Variants in ANK2 observed in about 807,000 individuals in gnomAD.
The protein encoded by ANK2 is ankyrin 2.
Under a neutral mutation model 360.5 loss-of-function variants are expected in ANK2, and 83 were observed. The ratio of observed to expected loss-of-function variants is 0.23; its 90% CI spans 0.19 to 0.28. ANK2 has a LOEUF of 0.28. Among genes scored for constraint, ANK2 ranks in the 10% least tolerant of loss-of-function variants. The probability of loss-of-function intolerance (pLI) is 1.00; values close to 1 mark genes in which losing one functional copy is unlikely to be tolerated. For synonymous variants in ANK2, 1,740 were observed against 1,759.5 expected (o/e 0.99, Z 0.28); for missense variants, 4,201 against 4,795.7 (o/e 0.88, Z 3.66).
rs2153658293 is a variant in ANK2 at position 113,264,984 on chromosome 4, G to A, written c.1474G>A (p.Ala492Thr). The A allele has an allele frequency of 1.3e-6, 2 of 1,561,416 alleles. No homozygotes were observed. The highest frequency in any genetic ancestry group is 1.7e-6 in the Non-Finnish European group (2 of 1,151,648). The change falls in exon 14 of 46, where the codon GCC (alanine) becomes ACC (threonine). Residue 492 changes from alanine (A) to threonine (T), a missense_variant. Coordinates refer to ENST00000357077, the MANE Select transcript of ANK2 (RefSeq NM_001148.6). Reference protein sequence around the residue: ...CLLRNGALVDARAREEQTPLH... With the variant: ...CLLRNGALVDTRAREEQTPLH... Reference sequence around the variant, plus strand: ...CCTGAGAAATGGTGCCCTTGTTGATGCCAGAGCCAGGGTAGGTACTGGTGC... The same window carrying A: ...CCTGAGAAATGGTGCCCTTGTTGATACCAGAGCCAGGGTAGGTACTGGTGC...
intron 1 of ANK2, among the ~76,000 whole-genome samples, chr4:112,846,813 AGGTC>A (rs2063427464): frequency 6.6e-6 from 1 of 152,156 alleles, no homozygotes; most frequent in African/African-American, 2.4e-5. Flanking sequence ...TTTGCCCATG[AGGTC>A]ATCAAAGAAC....
At chr4:113,288,696 A>G (rs568703933) in intron 20 of ANK2, among the ~76,000 whole-genome samples, 2 of 152,308 alleles carry the variant, frequency 1.3e-5, no homozygotes, top group East Asian at 3.9e-4. Flanking sequence ...AACTACTTCT[A>G]TTATAAAGTT....
At chr4:113,186,826 C>T (rs1348601537) in intron 2 of ANK2, among the ~76,000 whole-genome samples, 2 of 152,150 alleles carry the variant, frequency 1.3e-5, no homozygotes, top group Non-Finnish European at 2.9e-5. Flanking sequence ...CAGTGGTTGT[C>T]AGATTGATGT....
rs1289129488 is a variant in ANK2, at chr4:113,292,476, C to T, written c.2338C>T (p.Leu780=). ...QQGHTHIINV[L]LQHGAKPNAT... is the part of the protein sequence containing the mutation. Reference sequence around the variant, plus strand: ...GGGTCACACGCACATCATCAACGTCCTGCTCCAGCATGGGGCCAAGCCCAA... The same window carrying T: ...GGGTCACACGCACATCATCAACGTCTTGCTCCAGCATGGGGCCAAGCCCAA... Residue 780 remains leucine (L), a synonymous_variant, in exon 21 of 46, where the codon CTG becomes TTG. Transcript: ENST00000357077. 1 of 1,611,888 alleles carries T rather than the reference C, an allele frequency of 6.2e-7. No individual in the cohort carries two copies. The highest frequency in any genetic ancestry group is 1.7e-5 in the Admixed American group (1 of 59,844).
At chr4:113,019,280 T>C (rs1052426800) in intron 2 of ANK2, among the ~76,000 whole-genome samples, 7 of 152,212 alleles carry the variant, frequency 4.6e-5, no homozygotes, top group Non-Finnish European at 1.5e-5. Context: ...ACAGAGCGTG[T>C]TTTCTGACCA....
At chr4:113,285,497 CACTT>C (rs2064098245) in intron 18 of ANK2, among the ~76,000 whole-genome samples, 1 of 152,176 alleles carries the variant, frequency 6.6e-6, no homozygotes, top group Non-Finnish European at 1.5e-5. Context: ...CTCACAGAAA[CACTT>C]ACATTCACAG....
intron 14 of ANK2, among the ~76,000 whole-genome samples, chr4:113,270,220 G>C (rs190915206): frequency 1.0e-3 from 157 of 152,148 alleles, no homozygotes; most frequent in African/African-American, 3.5e-3. Flanking sequence ...TCCCATTTCT[G>C]TCTTAAAGTA....
chr4:112,977,284 C>A (rs2154269344), intron 2 of ANK2, among the ~76,000 whole-genome samples: 1 of 152,120 alleles, frequency 6.6e-6, no homozygotes, highest in South Asian at 2.1e-4. Context: ...TACCTTTCTT[C>A]TTTAAATAAT....
rs748648366 is a variant in ANK2 at position 113,367,821 on chromosome 4, A to T, written c.11288A>T (p.Glu3763Val). ...GGGAAAATGCAAGACCTGCCTGAAG[A>T]GTCATCTCTGGAATATCAGCAGGAA... Reference protein sequence around the residue: ...FSGKMQDLPEESSLEYQQEYF... With the variant: ...FSGKMQDLPEVSSLEYQQEYF... Residue 3763 changes from glutamate to valine, a missense_variant, in exon 42 of 46, where the codon GAG becomes GTG. Around this residue, in one of 4 missense-constraint regions of ANK2, gnomAD observed 2,642 missense variants for 2,714.5 expected, o/e 0.97. Coordinates refer to ENST00000357077, the MANE Select transcript of ANK2 (RefSeq NM_001148.6). The T allele has an allele frequency of 6.2e-7, 1 of 1,614,158 alleles. No individual in the cohort carries two copies. Among genetic ancestry groups the T allele is most frequent in the South Asian group, 1.1e-5 (1 of 91,088 alleles).
intron 1 of ANK2, among the ~76,000 whole-genome samples, chr4:112,856,533 G>T (rs550414231): frequency 1.3e-5 from 2 of 152,286 alleles, no homozygotes; most frequent in African/African-American, 4.8e-5. Flanking sequence ...TTCGAGACCA[G>T]CCTGGCCAAT....
At chr4:112,791,154 T>G in the ANK2 span, among the ~76,000 whole-genome samples, 1 of 152,194 alleles carries the variant, frequency 6.6e-6, no homozygotes, top group Non-Finnish European at 1.5e-5. Flanking sequence ...AAATAAGAAC[T>G]TTCTAACATA....
chr4:113,341,590 G>T, intron 32 of ANK2, 98 bp from the exon 33 acceptor site: 8 of 1,257,322 alleles, frequency 6.4e-6, no homozygotes, highest in Non-Finnish European at 9.2e-6. Context: ...TTTCCAAGAA[G>T]CATTTGTTGA....
chr4:113,079,187 G>A (rs192775640), intron 1 of ANK2, among the ~76,000 whole-genome samples: 1 of 152,250 alleles, frequency 6.6e-6, no homozygotes, highest in East Asian at 1.9e-4. Flanking sequence ...TTTCAGTATA[G>A]TTGACCGACT....
rs968888209 is a variant in ANK2 at position 113,226,691 on chromosome 4, C to T, written c.385-5470C>T. Among the ~76,000 whole-genome samples the T allele has an allele frequency of 2.0e-5, 3 of 151,936 alleles. No homozygotes were observed. The East Asian group carries it at 5.8e-4, about 29-fold the overall frequency. On this transcript the variant is annotated intron_variant, in intron 4 of 45. Coordinates refer to ENST00000357077, the MANE Select transcript of ANK2 (RefSeq NM_001148.6). ...TGAATCATTAGAGCTGAACACAATG[C>T]CTAGCAGTGAAAAGTCACCAAACAT...
intron 1 of ANK2, among the ~76,000 whole-genome samples, chr4:112,845,532 G>A (rs553783237): frequency 6.6e-6 from 1 of 152,328 alleles, no homozygotes; most frequent in South Asian, 2.1e-4. Context: ...AGAGGAAGGT[G>A]TGAGAATAGA....
intron 2 of ANK2, among the ~76,000 whole-genome samples, chr4:113,002,107 C>T (rs983601408): frequency 6.6e-6 from 1 of 152,004 alleles, no homozygotes. Context: ...ATGTGACATG[C>T]TGGTGTGCTG....
chr4:113,035,268 G>A (rs1034684697), intron 2 of ANK2, among the ~76,000 whole-genome samples: 2 of 151,616 alleles, frequency 1.3e-5, no homozygotes, highest in Non-Finnish European at 2.9e-5. Context: ...CAGTTAATGA[G>A]AACTAGCTTG....
chr4:113,214,345 G>A lies in ANK2; in HGVS notation c.384+15236G>A. Reference sequence around the variant, plus strand: ...TTAGTGCAGCGAATAGGCTGCACGTGGCCGCGGCCCTTTTTGGCACGACCA... The same window carrying A: ...TTAGTGCAGCGAATAGGCTGCACGTAGCCGCGGCCCTTTTTGGCACGACCA... On this transcript the variant is annotated intron_variant, in intron 4 of 45. Coordinates refer to ENST00000357077, the MANE Select transcript of ANK2 (RefSeq NM_001148.6). The A allele has an allele frequency of 3.7e-5, 31 of 838,694 alleles. 2 individuals carry two copies. The South Asian group carries it at 4.2e-4, about 11-fold the overall frequency. The allele number at this position is 838,694 out of a possible 1,614,324, so 52.0% of individuals were successfully genotyped here.
rs370759151 is a variant in ANK2, at chr4:112,936,080, AGTCT to A, written c.21+31570_21+31573del. Reference sequence around the variant, plus strand: ...TAATCTGTCACTAGCTCAAAATGACAGTCTGTCAGTGGCCACTGTCACCACCTAT... The same window carrying A: ...TAATCTGTCACTAGCTCAAAATGACAGTCAGTGGCCACTGTCACCACCTAT... On this transcript the variant is annotated intron_variant, in intron 2 of 30. Coordinates refer to the ANK2 transcript ENST00000503271. Among the ~76,000 whole-genome samples, 33 of 152,348 alleles carry A rather than the reference AGTCT, an allele frequency of 2.2e-4. No homozygotes were observed. In the East Asian group the frequency reaches 6.2e-3, roughly 28 times the overall value.
Sources: gnomAD v4.1 joint callset for allele counts (sites outside exome capture counted in the v4.1 genomes callset) on GRCh38, gnomAD v4.1.1 for gene constraint, gnomAD v4.1.1 regional missense constraint, MANE v1.5 for transcripts, NCBI Gene and HGNC (gene_info 2026-07-23, HGNC 2026-07-21) for gene names.